FCGR2A: variants seen among roughly 807,000 people sequenced by gnomAD.
FCGR2A encodes the protein Fc gamma receptor IIa, also known as low affinity immunoglobulin gamma Fc region receptor II-a.
FCGR2A carries 18 observed loss-of-function variants against 29.3 expected under a neutral mutation model. The ratio of observed to expected loss-of-function variants is 0.62; its 90% confidence interval spans 0.43 to 0.91. The LOEUF is 0.91. Ranked by LOEUF, FCGR2A falls within the 40% of genes least tolerant of loss-of-function variation. The probability of loss-of-function intolerance (pLI) is 0.00; values close to 1 mark genes in which losing one functional copy is unlikely to be tolerated. For missense variants in FCGR2A, 287 were observed against 393.0 expected, an observed-to-expected ratio of 0.73 and a Z score of 2.28; for synonymous variants, 126 against 144.8, an observed-to-expected ratio of 0.87 and a Z score of 0.93.
At chr1:161,506,265 G>A in intron 2 of FCGR2A, 69 bp from the exon 3 acceptor site, 2 of 1,589,282 alleles carry the variant, frequency 1.3e-6, no homozygotes, top group Non-Finnish European at 1.7e-6. Flanking sequence ...CCTCCCTTGG[G>A]AGCTCCTTTG....
At chr1:161,507,878 G>A (rs1362477528) in intron 3 of FCGR2A, among the ~76,000 whole-genome samples, 1 of 151,998 alleles carries the variant, frequency 6.6e-6, no homozygotes, top group African/African-American at 2.4e-5. Context: ...CCTGAGGTTG[G>A]GATTTCGAGA....
chr1:161,510,621 AG>A (rs1162022724), intron 4 of FCGR2A, among the ~76,000 whole-genome samples: 2 of 152,182 alleles, frequency 1.3e-5, no homozygotes, highest in African/African-American at 4.8e-5. Context: ...AAACCTGGGT[AG>A]GGAGGAGGCA....
Position 161,505,545 on chromosome 1 carries a change from G to A in FCGR2A, c.78G>A (p.Leu26=), listed in dbSNP as rs755997670. Residue 26 remains leucine (L), a synonymous_variant, in exon 1 of 7, where the codon CTG becomes CTA. Transcript: ENST00000271450. ...TGCTTCAACCATTGACAGTTTTGCTGCTGCTGGGTGAGTGAGGGTCATTCT... is the reference window on the plus strand; with the variant it reads ...TGCTTCAACCATTGACAGTTTTGCTACTGCTGGGTGAGTGAGGGTCATTCT... ...LWLLQPLTVL[L]LLASADSQAA... is the part of the protein sequence containing the mutation. 1 of 1,613,814 alleles carries A rather than the reference G, an allele frequency of 6.2e-7. No homozygotes were observed. Among genetic ancestry groups the A allele is most frequent in the Non-Finnish European group, 8.5e-7 (1 of 1,179,702 alleles).
chr1:161,515,261 A>T (rs1676076260), intron 6 of FCGR2A, among the ~76,000 whole-genome samples: 1 of 152,240 alleles, frequency 6.6e-6, no homozygotes, highest in Admixed American at 6.5e-5. Flanking sequence ...TAAACCTATT[A>T]ACCTCTTTGA....
intron 5 of FCGR2A, among the ~76,000 whole-genome samples, chr1:161,511,970 G>T (rs561000125): frequency 2.9e-4 from 44 of 152,278 alleles, no homozygotes; most frequent in African/African-American, 1.0e-3. Context: ...AAATCGCTTG[G>T]TCAACTCTGA....
chr1:161,508,456 C>T (rs12120402), intron 3 of FCGR2A, among the ~76,000 whole-genome samples: 5,576 of 151,774 alleles, frequency 0.037, 172 homozygotes, highest in Non-Finnish European at 0.047. Flanking sequence ...GGCGTGATGG[C>T]GCATGCCTGT....
At chr1:161,523,856 C>G (rs1050063528), downstream of FCGR2A, 3 of 151,940 alleles carry the variant, frequency 2.0e-5, no homozygotes, top group African/African-American at 2.4e-5. Context: ...GTGCATTGGC[C>G]GGGAATCGAA....
chr1:161,511,057 T>G, intron 5 of FCGR2A, 101 bp downstream of exon 5: 1 of 1,553,362 alleles, frequency 6.4e-7, no homozygotes, highest in Non-Finnish European at 8.9e-7. Context: ...TAGATATGCA[T>G]TCCGATCTAG....
chr1:161,523,755 T>C (rs10737548), downstream of FCGR2A: 118,002 of 152,030 alleles, frequency 0.78, 45,976 homozygotes, highest in East Asian at 0.92. Context: ...ACTGGAGGAA[T>C]GTAAAGTCTT....
chr1:161,505,950 C>G (rs1042621697), intron 1 of FCGR2A, 37 bp from the exon 2 acceptor site: 2 of 1,613,062 alleles, frequency 1.2e-6, no homozygotes, highest in African/African-American at 1.3e-5. Flanking sequence ...GCCGTGTTCT[C>G]CTGCTCGACG....
chr1:161,510,125 G>T, intron 4 of FCGR2A, 51 bp downstream of exon 4: 4 of 1,606,112 alleles, frequency 2.5e-6, no homozygotes, highest in Non-Finnish European at 3.4e-6. Flanking sequence ...GGATGGACAA[G>T]GGCTGAGGTC....
chr1:161,515,419 A>C (rs1314240774), intron 6 of FCGR2A, among the ~76,000 whole-genome samples: 8 of 152,144 alleles, frequency 5.3e-5, no homozygotes, highest in Non-Finnish European at 1.0e-4. Flanking sequence ...TAAGGCTAAA[A>C]ATAATAAAAA....
chr1:161,522,818 A>G (rs1676507820), downstream of FCGR2A: 1 of 152,114 alleles, frequency 6.6e-6, no homozygotes, highest in African/African-American at 2.4e-5. Context: ...CTCAAGCAGC[A>G]AACTCTACCA....
chr1:161,512,943 C>A (rs12727456), intron 5 of FCGR2A, among the ~76,000 whole-genome samples: 2 of 149,150 alleles, frequency 1.3e-5, no homozygotes, highest in Non-Finnish European at 3.0e-5. Context: ...GCACACTTCA[C>A]GAGGCACTTT....
chr1:161,509,514 C>T (rs112436033), intron 3 of FCGR2A, among the ~76,000 whole-genome samples: 47 of 152,180 alleles, frequency 3.1e-4, no homozygotes, highest in African/African-American at 1.9e-4. Flanking sequence ...CAGGCCCTGT[C>T]GAGTAGCCTC....
chr1:161,521,321 C>G (rs184125880), downstream of FCGR2A, among the ~76,000 whole-genome samples: 14 of 152,000 alleles, frequency 9.2e-5, no homozygotes, highest in African/African-American at 3.4e-4. Context: ...CATAGTAAAG[C>G]GCTTAATAAA....
At position 161,518,374 on chromosome 1, in the gene FCGR2A, C is replaced by G. The variant is rs967423660; in HGVS notation, c.*226C>G. 1 of 846,864 alleles carries G rather than the reference C, an allele frequency of 1.2e-6. No individual in the cohort carries two copies. Among genetic ancestry groups the G allele is most frequent in the Non-Finnish European group, 1.8e-6 (1 of 570,100 alleles). The allele number at this position is 846,864 out of a possible 1,614,324, so 52.5% of individuals were successfully genotyped here. On this transcript the variant is annotated 3_prime_UTR_variant, in exon 7 of 7. Coordinates refer to ENST00000271450, the MANE Select transcript of FCGR2A (RefSeq NM_001136219.3). ...AAGCAAAACTTAACTTGGATCATTT[C>G]TGGTAAATGCTTATGTTAGAAATAA... is the stretch of plus-strand genomic sequence containing the variant.
Position 161,510,000 on chromosome 1 carries a change from G to A in FCGR2A, c.545G>A (p.Ser182Asn). Residue 182 changes from serine (S) to asparagine (N), a missense_variant, in exon 4 of 7, where the codon AGT becomes AAT. Physicochemically the swap from Ser to Asn is conservative, Grantham distance 46. Transcript: ENST00000271450. ...FSIPQANHSH[S>N]GDYHCTGNIG... Reference sequence around the variant, plus strand: ...ATCCCACAAGCAAACCACAGTCACAGTGGTGATTACCACTGCACAGGAAAC... The same window carrying A: ...ATCCCACAAGCAAACCACAGTCACAATGGTGATTACCACTGCACAGGAAAC... 1 of 1,614,000 alleles carries A rather than the reference G, an allele frequency of 6.2e-7. No homozygotes were observed.
chr1:161,513,654 G>A lies in FCGR2A; in HGVS notation c.743-241G>A, dbSNP rs1675958182. 4 of 585,652 alleles carry A rather than the reference G, an allele frequency of 6.8e-6. No homozygotes were observed. The South Asian group carries it at 9.0e-5, about 13-fold the overall frequency. The allele number at this position is 585,652 out of a possible 1,614,324, so 36.3% of individuals were successfully genotyped here. A position where few individuals can be genotyped will look rare whatever the true frequency, so the allele number is the denominator to read the frequency against. On this transcript the variant is annotated intron_variant, in intron 5 of 6. Transcript: ENST00000271450. ...AAAGCTCAGCAATTCCCTGAAAAGA[G>A]TGTGGCCCAAGTGACTGCTTCCCTC...
Sources: gnomAD v4.1 joint callset for allele counts (sites outside exome capture counted in the v4.1 genomes callset) on GRCh38, gnomAD v4.1.1 for gene constraint, MANE v1.5 for transcripts, NCBI Gene and HGNC (gene_info 2026-07-23, HGNC 2026-07-21) for gene names.